Variants in NEURL4 observed in about 807,000 individuals in gnomAD.
NEURL4 encodes neuralized-like protein 4.
NEURL4 carries 45 observed loss-of-function variants against 148.0 expected under a neutral mutation model. The observed-to-expected ratio is 0.30, with a 90% CI of 0.24 to 0.39. NEURL4 has a LOEUF of 0.39. NEURL4 is among the 10% of genes least tolerant of loss of function. NEURL4 has a pLI of 1.00. For missense variants in NEURL4, 1,776 were observed against 2,144.0 expected (o/e 0.83, Z 3.39); for synonymous variants, 854 against 869.0 (o/e 0.98, Z 0.30).
At position 7,329,134 on chromosome 17, in the gene NEURL4, G is replaced by A. The variant is rs928757910; in HGVS notation, c.179C>T (p.Thr60Met). Residue 60 changes from threonine to methionine, a missense_variant, in exon 1 of 29, where the codon ACG becomes ATG. Transcript: ENST00000399464. ...RLVSLSACGRTARRQQPGQEF... is the reference protein window; with the variant it reads ...RLVSLSACGRMARRQQPGQEF... Reference sequence around the variant, plus strand: ...CTGGCCCGGCTGCTGCCGCCGCGCCGTACGCCCACAGGCCGACAGGCTCAC... The same window carrying A: ...CTGGCCCGGCTGCTGCCGCCGCGCCATACGCCCACAGGCCGACAGGCTCAC... 7.5e-6 allele frequency: 12 copies of A among 1,609,112 alleles called. No individual in the cohort carries two copies. The highest frequency in any genetic ancestry group is 2.7e-5 in the African/African-American group (2 of 74,862).
In NEURL4 at chr17:7,321,121, A is replaced by G. The variant is rs545955760; in HGVS notation, c.3351T>C (p.His1117=). 4.2e-5 allele frequency: 67 copies of G among 1,613,560 alleles called. No homozygotes were observed. Among genetic ancestry groups the G allele is most frequent in the Non-Finnish European group, 5.5e-5 (65 of 1,179,920 alleles). The change falls in exon 20 of 29, where the codon CAT becomes CAC. Residue 1117 remains histidine, a synonymous_variant. Coordinates refer to ENST00000399464, the MANE Select transcript of NEURL4 (RefSeq NM_032442.3). The surrounding 1 kb of genome is among the most constrained non-coding windows in gnomAD (Gnocchi z 6.3). ...EGEEDDEGEE[H]GLGGQNEVGI... ...TGCTGCAGCCTCTTACTCCCAGGCCATGCTCCTCGCCCTCGTCATCCTCCT... is the reference window on the plus strand; with the variant it reads ...TGCTGCAGCCTCTTACTCCCAGGCCGTGCTCCTCGCCCTCGTCATCCTCCT...
chr17:7,318,228 G>A lies in NEURL4; in HGVS notation c.3952+41C>T. The A allele has an allele frequency of 6.2e-7, 1 of 1,610,776 alleles. No individual in the cohort carries two copies. Among genetic ancestry groups the A allele is most frequent in the Non-Finnish European group, 8.5e-7 (1 of 1,176,950 alleles). ...AGCTGGGCTAGAAGGGTGAGGGTGG[G>A]GGAGTAGGGGCAGGAGCTGGGTCCC... is the stretch of plus-strand genomic sequence containing the variant. On this transcript the variant is annotated intron_variant, in intron 24 of 28. Transcript: ENST00000399464. The surrounding 1 kb of genome is among the most constrained non-coding windows in gnomAD (Gnocchi z 4.3).
At position 7,319,068 on chromosome 17, in the gene NEURL4, G is replaced by A. The variant is rs377208835; in HGVS notation, c.3666C>T (p.Val1222=). The change falls in exon 22 of 29, where the codon GTC becomes GTT. Residue 1222 remains valine (V), a synonymous_variant. Transcript: ENST00000399464. ...TACTCACCTTGAGACCGTTGTGGAAGACCCCACGGCCCCGCAGCAGCCAGG... is the reference window on the plus strand; with the variant it reads ...TACTCACCTTGAGACCGTTGTGGAAAACCCCACGGCCCCGCAGCAGCCAGG... ...RAAWLLRGRG[V]FHNGLKICEK... 6.2e-7 allele frequency: 1 copy of A among 1,612,588 alleles called. No individual in the cohort carries two copies. Among genetic ancestry groups the A allele is most frequent in the African/African-American group, 1.3e-5 (1 of 74,834 alleles).
Position 7,324,242 on chromosome 17 carries a change from C to T in NEURL4, c.1928G>A (p.Arg643Gln), listed in dbSNP as rs751963737. ...AAAGAAGTGGAGAGTCCCGTCCTCC[C>T]GCCGTACCACGCCCACCGTGTCCCC... The part of the protein sequence containing the change: ...KAGDTVGVVR[R>Q]EDGTLHFFVN... The change falls in exon 11 of 29, where the codon CGG becomes CAG. Residue 643 changes from arginine (R) to glutamine (Q), a missense_variant. Arg to Gln is a conservative substitution (Grantham distance 43). Transcript: ENST00000399464. This position sits in a 1 kb window ranked among gnomAD's most constrained non-coding sequence, Gnocchi z 5.9. 9 of 1,613,832 alleles carry T rather than the reference C, an allele frequency of 5.6e-6. No individual in the cohort carries two copies. Among genetic ancestry groups the T allele is most frequent in the African/African-American group, 2.7e-5 (2 of 74,924 alleles).
chr17:7,326,661 C>T lies in NEURL4; in HGVS notation c.1092+50G>A. ...CCTAGCACCAAGGGTCAATCCCCAT[C>T]TTTAGCTCCCAGGGATAAGGCGCCA... On this transcript the variant is annotated intron_variant, in intron 4 of 28. Transcript: ENST00000399464. The surrounding 1 kb of genome is among the most constrained non-coding windows in gnomAD (Gnocchi z 6.0). 6.2e-7 allele frequency: 1 copy of T among 1,604,302 alleles called. No individual in the cohort carries two copies. Among genetic ancestry groups the T allele is most frequent in the Non-Finnish European group, 8.5e-7 (1 of 1,174,398 alleles).
In NEURL4 at chr17:7,316,117, C is replaced by A; in HGVS notation, c.*6G>T. 1 of 1,416,988 alleles carries A rather than the reference C, an allele frequency of 7.1e-7. No individual in the cohort carries two copies. Among genetic ancestry groups the A allele is most frequent in the Non-Finnish European group, 1.0e-6 (1 of 1,000,112 alleles). 87.8% of individuals were successfully genotyped at this position (1,416,988 alleles called of 1,614,324 possible). ...GACTGTGCTTGTAGTAGTGGTGTCT[C>A]ACCCCTCATTCCACCCGTACCAGCA... On this transcript the variant is annotated 3_prime_UTR_variant, in exon 29 of 29. Coordinates refer to ENST00000399464, the MANE Select transcript of NEURL4 (RefSeq NM_032442.3).
intron 28 of NEURL4, 140 bp downstream of exon 28, chr17:7,317,065 A>G (rs1220601560): frequency 7.5e-6 from 4 of 530,768 alleles, no homozygotes; most frequent in Non-Finnish European, 1.3e-5. Context: ...ATGAATGAAG[A>G]AAGGGCTGAG....
Position 7,321,068 on chromosome 17 carries a change from AC to A in NEURL4, c.3360+43del. ...AGGCCTGGCATCCAACGGCCCAGCAACTGCCCATCCATGTGCACAGCAGACC... is the reference window on the plus strand; with the variant it reads ...AGGCCTGGCATCCAACGGCCCAGCAATGCCCATCCATGTGCACAGCAGACC... On this transcript the variant is annotated intron_variant, in intron 20 of 28. Transcript: ENST00000399464. This position sits in a 1 kb window ranked among gnomAD's most constrained non-coding sequence, Gnocchi z 6.3. The A allele has an allele frequency of 6.2e-7, 1 of 1,602,350 alleles. No individual in the cohort carries two copies. The highest frequency in any genetic ancestry group is 8.5e-7 in the Non-Finnish European group (1 of 1,172,320).
chr17:7,327,927 C>T lies in NEURL4; in HGVS notation c.283-43G>A. 2.1e-6 allele frequency: 3 copies of T among 1,460,658 alleles called. No homozygotes were observed. Among genetic ancestry groups the T allele is most frequent in the Non-Finnish European group, 2.8e-6 (3 of 1,082,828 alleles). 90.5% of individuals were successfully genotyped at this position (1,460,658 alleles called of 1,614,324 possible). On this transcript the variant is annotated intron_variant, in intron 1 of 28. Coordinates refer to ENST00000399464, the MANE Select transcript of NEURL4 (RefSeq NM_032442.3). This position sits in a 1 kb window ranked among gnomAD's most constrained non-coding sequence, Gnocchi z 6.6. ...GACAGAGGCTTAGAATGGGCCACCCCCCATTCCACAGGCCACCATATCTTC... is the reference window on the plus strand; with the variant it reads ...GACAGAGGCTTAGAATGGGCCACCCTCCATTCCACAGGCCACCATATCTTC...
Position 7,321,475 on chromosome 17 carries a change from G to A in NEURL4, c.3100-16C>T, listed in dbSNP as rs2073033232. ...GGCTCCCCACCTAGGACCGAGGTAG[G>A]ACAAGGACGGACGATGTTCAGCCCA... On this transcript the variant is annotated splice_polypyrimidine_tract_variant and intron_variant, in intron 18 of 28. Transcript: ENST00000399464. The surrounding 1 kb of genome is among the most constrained non-coding windows in gnomAD (Gnocchi z 6.3). The A allele has an allele frequency of 1.2e-6, 2 of 1,613,764 alleles. No individual in the cohort carries two copies. The highest frequency in any genetic ancestry group is 8.5e-7 in the Non-Finnish European group (1 of 1,179,802).
chr17:7,326,825 G>A lies in NEURL4; in HGVS notation c.978C>T (p.Thr326=), dbSNP rs759250294. ...DALLFHEKCG[T]LIKLSNNNKT... ...TATTATTGTTGCTGAGTTTGATGAG[G>A]GTCCCGCACTTTTCATGAAAGAGCA... The change falls in exon 4 of 29, where the codon ACC becomes ACT. Residue 326 remains threonine (T), a synonymous_variant. Coordinates refer to ENST00000399464, the MANE Select transcript of NEURL4 (RefSeq NM_032442.3). This position sits in a 1 kb window ranked among gnomAD's most constrained non-coding sequence, Gnocchi z 6.0. 3.1e-6 allele frequency: 5 copies of A among 1,613,384 alleles called. No homozygotes were observed. In the Admixed American group the frequency reaches 8.4e-5, roughly 27 times the overall value.
chr17:7,318,935 T>C lies in NEURL4; in HGVS notation c.3684+115A>G, dbSNP rs2143011635. 1 of 1,226,738 alleles carries C rather than the reference T, an allele frequency of 8.2e-7. No individual in the cohort carries two copies. Among genetic ancestry groups the C allele is most frequent in the Non-Finnish European group, 1.1e-6 (1 of 881,556 alleles). The allele number at this position is 1,226,738 out of a possible 1,614,324, so 76.0% of individuals were successfully genotyped here. A position where few individuals can be genotyped will look rare whatever the true frequency, so the allele number is the denominator to read the frequency against. On this transcript the variant is annotated intron_variant, in intron 22 of 28. Coordinates refer to ENST00000399464, the MANE Select transcript of NEURL4 (RefSeq NM_032442.3). This position sits in a 1 kb window ranked among gnomAD's most constrained non-coding sequence, Gnocchi z 4.3. ...CTCGCCCTTGCCTGCCCATTACTGT[T>C]CCCCTTTTACACCTGTGGTCCTACC...
chr17:7,326,654 T>TC lies in NEURL4; in HGVS notation c.1092+56dup. The TC allele has an allele frequency of 6.2e-7, 1 of 1,603,986 alleles. No homozygotes were observed. The highest frequency in any genetic ancestry group is 1.1e-5 in the South Asian group (1 of 90,536). ...CCACCCTCCTAGCACCAAGGGTCAATCCCCATCTTTAGCTCCCAGGGATAA... is the reference window on the plus strand; with the variant it reads ...CCACCCTCCTAGCACCAAGGGTCAATCCCCCATCTTTAGCTCCCAGGGATAA... On this transcript the variant is annotated intron_variant, in intron 4 of 28. Transcript: ENST00000399464. This position sits in a 1 kb window ranked among gnomAD's most constrained non-coding sequence, Gnocchi z 6.0.
chr17:7,320,821 C>T lies in NEURL4; in HGVS notation c.3463G>A (p.Ala1155Thr). 6.2e-7 allele frequency: 1 copy of T among 1,614,080 alleles called. No individual in the cohort carries two copies. Among genetic ancestry groups the T allele is most frequent in the Non-Finnish European group, 8.5e-7 (1 of 1,180,002 alleles). The change falls in exon 21 of 29, where the codon GCC becomes ACC. Residue 1155 changes from alanine to threonine, a missense_variant. Ala to Thr is a moderately conservative substitution (Grantham distance 58). Coordinates refer to ENST00000399464, the MANE Select transcript of NEURL4 (RefSeq NM_032442.3). ...ACAACGATGCCCTGATTGTAGCTGG[C>T]CACCCGTGTGGCCGTACGGTTCCCA... ...SNGNRTATRV[A>T]SYNQGIVVIN...
At position 7,317,862 on chromosome 17, in the gene NEURL4, G is replaced by T; in HGVS notation, c.4131C>A (p.Asp1377Glu). ...GCTCCCCTCTGCGCCTGTGGGCCTC[G>T]TCTCCTCGCAGCTTCCGGCAAGACT... Reference protein sequence around the residue: ...YCESCRKLRGDEAHRRRGEPP... With the variant: ...YCESCRKLRGEEAHRRRGEPP... Residue 1377 changes from aspartate (D) to glutamate (E), a missense_variant, in exon 26 of 29, where the codon GAC (aspartate) becomes GAA (glutamate). Coordinates refer to ENST00000399464, the MANE Select transcript of NEURL4 (RefSeq NM_032442.3). 6.2e-7 allele frequency: 1 copy of T among 1,614,112 alleles called. No individual in the cohort carries two copies. Among genetic ancestry groups the T allele is most frequent in the Non-Finnish European group, 8.5e-7 (1 of 1,180,036 alleles).
rs768497141 is a variant in NEURL4 at position 7,316,265 on chromosome 17, C to G, written c.4547G>C (p.Arg1516Pro). The G allele has an allele frequency of 2.5e-6, 4 of 1,613,480 alleles. No individual in the cohort carries two copies. Among genetic ancestry groups the G allele is most frequent in the Non-Finnish European group, 3.4e-6 (4 of 1,179,940 alleles). ...GGGTCCCGGGGTGTAGGAGCCAGGGCGCACACACACCTGGAACGCCACCTG... is the reference window on the plus strand; with the variant it reads ...GGGTCCCGGGGTGTAGGAGCCAGGGGGCACACACACCTGGAACGCCACCTG... ...QAQVAFQVCVRPGSYTPGPPS... is the reference protein window; with the variant it reads ...QAQVAFQVCVPPGSYTPGPPS... The change falls in exon 29 of 29, where the codon CGC (arginine) becomes CCC (proline). Residue 1516 changes from arginine to proline, a missense_variant. Coordinates refer to ENST00000399464, the MANE Select transcript of NEURL4 (RefSeq NM_032442.3).
intron 7 of NEURL4, 78 bp downstream of exon 7, chr17:7,325,563 C>G: frequency 6.3e-7 from 1 of 1,587,170 alleles, no homozygotes; most frequent in East Asian, 2.2e-5. Context: ...CAAAGAGAAG[C>G]AGGAGGATGA....
Position 7,326,249 on chromosome 17 carries a change from C to A in NEURL4, c.1293+6G>T. 6.2e-7 allele frequency: 1 copy of A among 1,613,716 alleles called. No individual in the cohort carries two copies. Among genetic ancestry groups the A allele is most frequent in the Non-Finnish European group, 8.5e-7 (1 of 1,179,750 alleles). Reference sequence around the variant, plus strand: ...AGCGGCCCAGGGATCTGTGCCCCACCCTCACCTGCAACTCATCCAGACTGA... The same window carrying A: ...AGCGGCCCAGGGATCTGTGCCCCACACTCACCTGCAACTCATCCAGACTGA... On this transcript the variant is annotated splice_donor_region_variant and intron_variant, in intron 6 of 28. Transcript: ENST00000399464. The surrounding 1 kb of genome is among the most constrained non-coding windows in gnomAD (Gnocchi z 6.0).
At chr17:7,325,753 C>A in intron 6 of NEURL4, 40 bp from the exon 7 acceptor site, 1 of 1,516,882 alleles carries the variant, frequency 6.6e-7, no homozygotes, top group Non-Finnish European at 9.2e-7. Context: ...AGTCCTGAGG[C>A]CTGCTCAGCA....
Sources: gnomAD v4.1 joint callset for allele counts on GRCh38, gnomAD v4.1.1 for gene constraint, Gnocchi (gnomAD v3.1) non-coding constraint, MANE v1.5 for transcripts, NCBI Gene and HGNC (gene_info 2026-07-23, HGNC 2026-07-21) for gene names.